Variants in CPA6 observed in about 807,000 individuals in gnomAD.
CPA6 encodes carboxypeptidase B.
CPA6 carries 58 observed loss-of-function variants against 63.3 expected under a neutral mutation model. The ratio of observed to expected loss-of-function variants is 0.92; its 90% CI spans 0.74 to 1.14. The LOEUF (loss-of-function observed/expected upper bound fraction) is 1.14, where lower values mean the gene tolerates loss of function less well. Among genes scored for constraint, CPA6 ranks in the 50% most tolerant of loss-of-function variants. The pLI is 0.00. For synonymous variants in CPA6, 185 were observed against 179.0 expected, an observed-to-expected ratio of 1.03 and a Z score of -0.27; for missense variants, 565 against 526.6, an observed-to-expected ratio of 1.07 and a Z score of -0.71.
At chr8:67,450,822 C>T (rs890804621) in intron 8 of CPA6, among the ~76,000 whole-genome samples, 2 of 152,154 alleles carry the variant, frequency 1.3e-5, no homozygotes, top group Non-Finnish European at 2.9e-5. Context: ...TTTATAACAT[C>T]CCATACTAGC....
chr8:67,597,605 C>G (rs1180996820), intron 2 of CPA6, among the ~76,000 whole-genome samples: 1 of 152,126 alleles, frequency 6.6e-6, no homozygotes, highest in Non-Finnish European at 1.5e-5. Flanking sequence ...TTAGCTGTGT[C>G]TAATGTGCTG....
chr8:67,475,871 CTTTCTTTCTCCTTTCTTTCTTT>C lies in CPA6; in HGVS notation c.838+7875_838+7896del, dbSNP rs1563967918. ...TCTTTCTTTCTTTCTTTCTTTCTTT[CTTTCTTTCTCCTTTCTTTCTTT>C]CTTTCTTTCTTTCTTTCTTTCTTTC... is the stretch of plus-strand genomic sequence containing the variant. On this transcript the variant is annotated intron_variant, in intron 8 of 10. Transcript: ENST00000297770. Among the ~76,000 whole-genome samples the C allele has an allele frequency of 1.5e-3, 121 of 79,840 alleles. 1 individual carries two copies. The highest frequency in any genetic ancestry group is 2.2e-3 in the Non-Finnish European group (91 of 41,488). The allele number at this position is 79,840 out of a possible 152,430, so 52.4% of individuals were successfully genotyped here.
intron 1 of CPA6, among the ~76,000 whole-genome samples, chr8:67,697,066 AAT>A (rs1325422376): frequency 6.6e-6 from 1 of 152,222 alleles, no homozygotes; most frequent in Non-Finnish European, 1.5e-5. Flanking sequence ...GCCCTGAGGA[AAT>A]AGTCTCAGAG....
intron 8 of CPA6, among the ~76,000 whole-genome samples, chr8:67,477,017 GC>G (rs1811255362): frequency 6.6e-6 from 1 of 151,996 alleles, no homozygotes; most frequent in African/African-American, 2.4e-5. Flanking sequence ...AAGGCCAGTT[GC>G]GGTGGCTCAC....
At chr8:67,584,380 A>G (rs1055887984) in intron 2 of CPA6, among the ~76,000 whole-genome samples, 2 of 152,072 alleles carry the variant, frequency 1.3e-5, no homozygotes, top group Non-Finnish European at 2.9e-5. Context: ...TGGATGATGG[A>G]CCCTAAACAT....
chr8:67,524,226 T>C (rs539181114), intron 2 of CPA6, among the ~76,000 whole-genome samples: 2 of 152,354 alleles, frequency 1.3e-5, no homozygotes, highest in East Asian at 3.9e-4. Flanking sequence ...GTTTGTTGTC[T>C]GCTTTCATAG....
chr8:67,463,379 G>A (rs1227135813), intron 8 of CPA6, among the ~76,000 whole-genome samples: 1 of 152,010 alleles, frequency 6.6e-6, no homozygotes, highest in East Asian at 1.9e-4. Context: ...AGAAGGCAGA[G>A]GTTGCAGTGA....
chr8:67,577,092 T>A (rs1166289217), intron 2 of CPA6, among the ~76,000 whole-genome samples: 1 of 152,116 alleles, frequency 6.6e-6, no homozygotes, highest in Non-Finnish European at 1.5e-5. Flanking sequence ...TGGCCTCAAG[T>A]GATCCTCCTG....
chr8:67,639,950 T>G (rs781489054), intron 1 of CPA6, among the ~76,000 whole-genome samples: 1 of 151,324 alleles, frequency 6.6e-6, no homozygotes, highest in Non-Finnish European at 1.5e-5. Context: ...GGGTAGCTAC[T>G]CTCTGTAGCT....
At chr8:67,475,944 CTCTG>C (rs1285041317) in intron 8 of CPA6, among the ~76,000 whole-genome samples, 91 of 127,200 alleles carry the variant, frequency 7.2e-4, no homozygotes, top group African/African-American at 2.3e-3. Context: ...CTCTTTCTTT[CTCTG>C]TCTTTCTTTC....
chr8:67,569,511 T>C (rs1813430173), intron 2 of CPA6: 1 of 430,240 alleles, frequency 2.3e-6, no homozygotes. Flanking sequence ...CTAACAGTGA[T>C]GAATCAGTAC....
chr8:67,495,841 C>T (rs1811699763), intron 6 of CPA6, among the ~76,000 whole-genome samples: 1 of 152,162 alleles, frequency 6.6e-6, no homozygotes, highest in Admixed American at 6.6e-5. Context: ...GTGTCAGCCA[C>T]TGCACCTGGC....
chr8:67,736,800 T>C (rs1293569192), intron 1 of CPA6, among the ~76,000 whole-genome samples: 1 of 152,192 alleles, frequency 6.6e-6, no homozygotes, highest in Non-Finnish European at 1.5e-5. Context: ...GCTCAAACAA[T>C]ACATATCCAA....
At chr8:67,661,903 T>A (rs1048344743) in intron 1 of CPA6, among the ~76,000 whole-genome samples, 1 of 152,246 alleles carries the variant, frequency 6.6e-6, no homozygotes, top group Non-Finnish European at 1.5e-5. Context: ...TAGCATAATG[T>A]CTTTAAGGTT....
At chr8:67,441,515 G>C (rs1810293989) in intron 8 of CPA6, among the ~76,000 whole-genome samples, 1 of 152,114 alleles carries the variant, frequency 6.6e-6, no homozygotes, top group African/African-American at 2.4e-5. Context: ...TTCTGCGAAA[G>C]CATAAATAGC....
intron 8 of CPA6, among the ~76,000 whole-genome samples, chr8:67,445,225 A>AT (rs113165576): frequency 5.9e-5 from 9 of 151,614 alleles, no homozygotes; most frequent in South Asian, 2.1e-4. Context: ...CAGATTTAAG[A>AT]TTTTTTTTTG....
At chr8:67,556,356 C>T (rs909576599) in intron 2 of CPA6, among the ~76,000 whole-genome samples, 4 of 152,136 alleles carry the variant, frequency 2.6e-5, no homozygotes, top group East Asian at 1.9e-4. Context: ...ACTGCCTCCA[C>T]CTCCAGCATG....
At chr8:67,554,858 C>T (rs998538723) in intron 2 of CPA6, among the ~76,000 whole-genome samples, 5 of 152,122 alleles carry the variant, frequency 3.3e-5, no homozygotes, top group African/African-American at 4.8e-5. Flanking sequence ...GCTAGATGGC[C>T]CTTGCCTGCA....
intron 2 of CPA6, among the ~76,000 whole-genome samples, chr8:67,586,926 G>C (rs997645155): frequency 3.3e-5 from 5 of 152,178 alleles, no homozygotes; most frequent in Non-Finnish European, 2.9e-5. Flanking sequence ...CATGTTATTG[G>C]TAATAGTATG....
Sources: allele counts gnomAD v4.1 joint callset (sites outside exome capture counted in the v4.1 genomes callset), GRCh38; gene constraint gnomAD v4.1.1; transcripts MANE v1.5; gene names NCBI Gene and HGNC (gene_info 2026-07-23, HGNC 2026-07-21).